The following PRKD1 variants were observed in gnomAD, a reference collection of about 807,000 sequenced individuals.
PRKD1 encodes the protein protein kinase D1, also known as serine/threonine-protein kinase D1.
PRKD1 carries 63 observed loss-of-function variants against 95.9 expected under a neutral mutation model. The observed-to-expected ratio is 0.66, with a 90% CI of 0.54 to 0.81. PRKD1 has a LOEUF of 0.81. Among genes scored for constraint, PRKD1 ranks in the 30% least tolerant of loss-of-function variants. The pLI, the probability that PRKD1 is intolerant of heterozygous loss-of-function variation, is 0.00. For synonymous variants in PRKD1, 425 were observed against 423.1 expected (o/e 1.00, Z -0.05); for missense variants, 1,048 against 1,165.3 (o/e 0.90, Z 1.47).
intron 1 of PRKD1, among the ~76,000 whole-genome samples, chr14:29,736,170 G>A (rs188369214): frequency 1.3e-5 from 2 of 152,298 alleles, no homozygotes; most frequent in African/African-American, 4.8e-5. Flanking sequence ...AGCCTCTTAG[G>A]ACAGTTGTCA....
intron 13 of PRKD1, among the ~76,000 whole-genome samples, chr14:29,603,263 G>A (rs1893587716): frequency 6.6e-6 from 1 of 152,162 alleles, no homozygotes; most frequent in Non-Finnish European, 1.5e-5. Context: ...CTGAATAGTT[G>A]ATATACAACA....
intron 12 of PRKD1, 52 bp from the exon 13 acceptor site, chr14:29,624,310 TAAAG>T (rs748335063): frequency 3.6e-4 from 447 of 1,258,070 alleles, no homozygotes; most frequent in Non-Finnish European, 4.4e-4. Context: ...TCATCTATCT[TAAAG>T]AACACTAAAA....
At chr14:29,586,990 T>C (rs1371400611) in intron 16 of PRKD1, among the ~76,000 whole-genome samples, 1 of 152,102 alleles carries the variant, frequency 6.6e-6, no homozygotes, top group African/African-American at 2.4e-5. Flanking sequence ...GACTATAAGA[T>C]AACGTAGATA....
intron 2 of PRKD1, among the ~76,000 whole-genome samples, chr14:29,679,284 T>C (rs930508468): frequency 2.0e-5 from 3 of 152,186 alleles, no homozygotes; most frequent in Non-Finnish European, 2.9e-5. Context: ...TGAGCAAAAA[T>C]GTTCCAAAAG....
At chr14:29,607,117 T>C (rs1878034201) in intron 13 of PRKD1, among the ~76,000 whole-genome samples, 1 of 152,242 alleles carries the variant, frequency 6.6e-6, no homozygotes, top group Non-Finnish European at 1.5e-5. Flanking sequence ...TTATTACTAC[T>C]GGGTAAATTT....
intron 13 of PRKD1, among the ~76,000 whole-genome samples, chr14:29,617,189 CCAG>C (rs1389029493): frequency 1.3e-5 from 2 of 152,112 alleles, no homozygotes; most frequent in Non-Finnish European, 2.9e-5. Context: ...TGTTCTTTAT[CCAG>C]TCTACCATTT....
In PRKD1 at chr14:29,646,081, A is replaced by G. The variant is rs185952973; in HGVS notation, c.697-7177T>C. On this transcript the variant is annotated intron_variant, in intron 4 of 17. Coordinates refer to ENST00000331968, the MANE Select transcript of PRKD1 (RefSeq NM_002742.3). ...ACAAAGAATAATTGCTGATATATAC[A>G]TATATGAAAGTTCAAAGGAAAGATA... Among the ~76,000 whole-genome samples, 4 of 152,328 alleles carry G rather than the reference A, an allele frequency of 2.6e-5. No homozygotes were observed. The East Asian group carries it at 5.8e-4, about 22-fold the overall frequency.
chr14:29,807,282 T>G (rs1890275352), intron 1 of PRKD1, among the ~76,000 whole-genome samples: 1 of 152,146 alleles, frequency 6.6e-6, no homozygotes, highest in African/African-American at 2.4e-5. Flanking sequence ...ATGTAAGCCT[T>G]CAGGGAGTCC....
chr14:29,841,371 T>G (rs1323658861), intron 1 of PRKD1, among the ~76,000 whole-genome samples: 2 of 152,100 alleles, frequency 1.3e-5, no homozygotes, highest in Admixed American at 1.3e-4. Context: ...TATGGTTTGG[T>G]TGTGTCCTCA....
Position 29,860,725 on chromosome 14 carries a change from C to G in PRKD1, c.264+66524G>C, listed in dbSNP as rs530085213. Among the ~76,000 whole-genome samples, 30 of 152,318 alleles carry G rather than the reference C, an allele frequency of 2.0e-4. 1 individual carries two copies. In the Middle Eastern group the frequency reaches 0.01, roughly 52 times the overall value. ...TTAAACATGTACAATTTAGGAACTGCCTTTAAAATATTACCTCCTGTCCTT... is the reference window on the plus strand; with the variant it reads ...TTAAACATGTACAATTTAGGAACTGGCTTTAAAATATTACCTCCTGTCCTT... On this transcript the variant is annotated intron_variant, in intron 1 of 17. Transcript: ENST00000331968.
chr14:29,891,510 A>G (rs1357436400), intron 1 of PRKD1, among the ~76,000 whole-genome samples: 2 of 152,138 alleles, frequency 1.3e-5, no homozygotes, highest in Non-Finnish European at 2.9e-5. Context: ...ATTACAAATA[A>G]ACCTTTTCCT....
intron 16 of PRKD1, among the ~76,000 whole-genome samples, chr14:29,580,736 C>T (rs1248630841): frequency 1.3e-5 from 2 of 152,072 alleles, no homozygotes; most frequent in Non-Finnish European, 2.9e-5. Flanking sequence ...AGTTTAGAGG[C>T]TTTTTTCCTT....
At chr14:29,654,212 C>T (rs1881700330) in intron 4 of PRKD1, among the ~76,000 whole-genome samples, 1 of 152,004 alleles carries the variant, frequency 6.6e-6, no homozygotes, top group East Asian at 1.9e-4. Flanking sequence ...CATTCTATCA[C>T]CCAGGCTGGA....
intron 2 of PRKD1, among the ~76,000 whole-genome samples, chr14:29,671,988 C>T (rs1882872469): frequency 6.6e-6 from 1 of 152,018 alleles, no homozygotes; most frequent in Non-Finnish European, 1.5e-5. Flanking sequence ...AGAAATCTAC[C>T]CTATGTATAT....
At chr14:29,802,634 G>A (rs1485899973) in intron 1 of PRKD1, among the ~76,000 whole-genome samples, 1 of 152,202 alleles carries the variant, frequency 6.6e-6, no homozygotes, top group Non-Finnish European at 1.5e-5. Context: ...TGGAGCAACA[G>A]ATAAAAGATT....
chr14:29,844,781 T>C (rs901472764), intron 1 of PRKD1, among the ~76,000 whole-genome samples: 7 of 152,214 alleles, frequency 4.6e-5, no homozygotes, highest in African/African-American at 1.4e-4. Context: ...CAGAAGCTTA[T>C]ACCAAGTTGT....
chr14:29,886,121 G>A (rs1893698191), intron 1 of PRKD1, among the ~76,000 whole-genome samples: 1 of 152,138 alleles, frequency 6.6e-6, no homozygotes, highest in African/African-American at 2.4e-5. Context: ...TTTAGAACAG[G>A]CATTAAATGA....
At chr14:29,779,908 CA>C (rs1324431624) in intron 1 of PRKD1, among the ~76,000 whole-genome samples, 2 of 152,168 alleles carry the variant, frequency 1.3e-5, no homozygotes, top group Non-Finnish European at 2.9e-5. Flanking sequence ...CTACAGTAAC[CA>C]AAACAGCATG....
chr14:29,617,806 C>A (rs969041799), intron 13 of PRKD1, among the ~76,000 whole-genome samples: 4 of 152,014 alleles, frequency 2.6e-5, no homozygotes, highest in African/African-American at 9.7e-5. Context: ...GTGTCTCATG[C>A]CTGTAATCCC....
Sources: gnomAD v4.1 joint callset for allele counts (sites outside exome capture counted in the v4.1 genomes callset) on GRCh38, gnomAD v4.1.1 for gene constraint, MANE v1.5 for transcripts, NCBI Gene and HGNC (gene_info 2026-07-23, HGNC 2026-07-21) for gene names.